Variants in KHDRBS2 observed in about 807,000 individuals in gnomAD.
KHDRBS2 encodes the protein KH RNA binding domain containing, signal transduction associated 2, also known as KH domain-containing, RNA-binding, signal transduction-associated protein 2.
KHDRBS2 carries 26 observed loss-of-function variants against 44.3 expected under a neutral mutation model. The ratio of observed to expected loss-of-function variants is 0.59; its 90% CI spans 0.43 to 0.81. The LOEUF (loss-of-function observed/expected upper bound fraction) is 0.81. Ranked by LOEUF, KHDRBS2 falls within the 40% of genes least tolerant of loss-of-function variation. The pLI, the probability that KHDRBS2 is intolerant of heterozygous loss-of-function variation, is 0.00. For missense variants in KHDRBS2, 476 were observed against 433.1 expected (o/e 1.10, Z -0.88); for synonymous variants, 194 against 151.1 (o/e 1.28, Z -2.08).
chr6:61,844,370 T>G (rs2127275190), intron 6 of KHDRBS2, among the ~76,000 whole-genome samples: 1 of 152,318 alleles, frequency 6.6e-6, no homozygotes, highest in Non-Finnish European at 1.5e-5. Flanking sequence ...ATTAGTATAA[T>G]TTTCAGCATA....
the KHDRBS2 span, among the ~76,000 whole-genome samples, chr6:61,627,453 T>C: frequency 6.6e-6 from 1 of 152,200 alleles, no homozygotes; most frequent in East Asian, 1.9e-4. Flanking sequence ...ATTAGATGAG[T>C]ACAGATTGGG....
At chr6:61,570,848 C>T in the KHDRBS2 span, among the ~76,000 whole-genome samples, 122,038 of 151,904 alleles carry the variant, frequency 0.8, 49,469 homozygotes, top group African/African-American at 0.9. Flanking sequence ...AGAGATAAAG[C>T]CTTTTTCAGA....
intron 7 of KHDRBS2, among the ~76,000 whole-genome samples, chr6:61,720,274 G>A (rs1772218659): frequency 6.6e-6 from 1 of 152,238 alleles, no homozygotes; most frequent in Admixed American, 6.5e-5. Flanking sequence ...ATGATTTAGA[G>A]TCCTTTGGGT....
intron 6 of KHDRBS2, among the ~76,000 whole-genome samples, chr6:61,833,513 T>C (rs1044542747): frequency 6.6e-6 from 1 of 152,198 alleles, no homozygotes; most frequent in Non-Finnish European, 1.5e-5. Context: ...ACCTTCTGTC[T>C]TATGATGTGT....
At chr6:62,004,755 A>T (rs1312611663) in intron 3 of KHDRBS2, among the ~76,000 whole-genome samples, 1 of 152,196 alleles carries the variant, frequency 6.6e-6, no homozygotes, top group Non-Finnish European at 1.5e-5. Flanking sequence ...ATTGATGCAA[A>T]AATCCTCAAT....
intron 3 of KHDRBS2, among the ~76,000 whole-genome samples, chr6:62,003,096 A>C (rs1302093997): frequency 3.3e-5 from 5 of 152,020 alleles, no homozygotes; most frequent in African/African-American, 1.2e-4. Context: ...TTTTCTTTGC[A>C]GGTAAACATA....
Position 61,916,441 on chromosome 6 carries a change from C to G in KHDRBS2, c.484-15070G>C, listed in dbSNP as rs1448987428. 2.6e-5 allele frequency among the ~76,000 whole-genome samples: 4 copies of G among 151,856 alleles called. No individual in the cohort carries two copies. In the South Asian group the frequency reaches 8.3e-4, roughly 31 times the overall value. On this transcript the variant is annotated intron_variant, in intron 4 of 8. Transcript: ENST00000281156. The stretch of plus-strand genomic sequence containing the variant: ...TATTTATACATATATATATATGTCA[C>G]TATTAGAAAAATTGTCAAGTTCTGC...
chr6:61,942,471 T>C (rs1267426091), intron 4 of KHDRBS2, among the ~76,000 whole-genome samples: 1 of 152,018 alleles, frequency 6.6e-6, no homozygotes, highest in African/African-American at 2.4e-5. Context: ...ATACACTAGA[T>C]TAAGCAGAAA....
At chr6:62,045,553 C>T (rs1270755088) in intron 3 of KHDRBS2, among the ~76,000 whole-genome samples, 1 of 151,940 alleles carries the variant, frequency 6.6e-6, no homozygotes, top group African/African-American at 2.4e-5. Flanking sequence ...CTGTCTTTCC[C>T]ATTGGAATGT....
At chr6:62,279,372 G>A (rs1841474620) in intron 1 of KHDRBS2, among the ~76,000 whole-genome samples, 1 of 152,146 alleles carries the variant, frequency 6.6e-6, no homozygotes, top group Admixed American at 6.5e-5. Context: ...CAGAATTACT[G>A]AAAAATTGTT....
At chr6:61,866,022 C>T (rs1199166845) in intron 6 of KHDRBS2, among the ~76,000 whole-genome samples, 5 of 152,220 alleles carry the variant, frequency 3.3e-5, no homozygotes, top group African/African-American at 1.2e-4. Context: ...TCCAGGTGCA[C>T]ATTACAAGCT....
intron 4 of KHDRBS2, among the ~76,000 whole-genome samples, chr6:61,969,781 G>A (rs1335210084): frequency 1.3e-5 from 2 of 151,832 alleles, no homozygotes; most frequent in Non-Finnish European, 2.9e-5. Flanking sequence ...GTGAAATTGG[G>A]TGAAATTATT....
At chr6:62,062,750 C>T (rs1562760871) in intron 2 of KHDRBS2, among the ~76,000 whole-genome samples, 1 of 145,404 alleles carries the variant, frequency 6.9e-6, no homozygotes. Context: ...CATTCAAAAG[C>T]TGGCAGAAGG....
chr6:62,251,564 A>G (rs950794150), intron 1 of KHDRBS2, among the ~76,000 whole-genome samples: 3 of 151,948 alleles, frequency 2.0e-5, no homozygotes, highest in Non-Finnish European at 2.9e-5. Flanking sequence ...TACACTTACA[A>G]CAATTCTGTT....
At chr6:61,924,942 G>A (rs535493068) in intron 4 of KHDRBS2, among the ~76,000 whole-genome samples, 29 of 152,086 alleles carry the variant, frequency 1.9e-4, no homozygotes, top group South Asian at 1.9e-3. Context: ...TAGGGTGGTC[G>A]GACATTCATA....
At chr6:61,867,570 A>G (rs919198464) in intron 6 of KHDRBS2, among the ~76,000 whole-genome samples, 2 of 152,262 alleles carry the variant, frequency 1.3e-5, no homozygotes, top group Middle Eastern at 3.4e-3. Context: ...CACTAATCCT[A>G]TCTCATCTTT....
At chr6:61,958,021 G>T (rs1177143043) in intron 4 of KHDRBS2, among the ~76,000 whole-genome samples, 1 of 152,046 alleles carries the variant, frequency 6.6e-6, no homozygotes, top group Admixed American at 6.6e-5. Flanking sequence ...GGTGAATTTT[G>T]CCCTATAATC....
the KHDRBS2 span, among the ~76,000 whole-genome samples, chr6:61,631,305 C>CAAAAAAAAAAA: frequency 4.9e-4 from 33 of 66,992 alleles, 1 homozygote; most frequent in East Asian, 1.1e-3. Context: ...ACGAATAAGC[C>CAAAAAAAAAAA]AAAAAAAAAA....
At chr6:61,634,221 C>G in the KHDRBS2 span, among the ~76,000 whole-genome samples, 1 of 151,192 alleles carries the variant, frequency 6.6e-6, no homozygotes, top group South Asian at 2.1e-4. Flanking sequence ...TCAGACAGAT[C>G]AGATGTGGCT....
Sources: gnomAD v4.1 joint callset for allele counts (sites outside exome capture counted in the v4.1 genomes callset) on GRCh38, gnomAD v4.1.1 for gene constraint, MANE v1.5 for transcripts, NCBI Gene and HGNC (gene_info 2026-07-23, HGNC 2026-07-21) for gene names.